The following IL18BP variants were observed in gnomAD, a reference collection of about 807,000 sequenced individuals.
IL18BP encodes interleukin 18 binding protein, also known as interleukin-18-binding protein.
Under a neutral mutation model 19.9 loss-of-function variants are expected in IL18BP, and 23 were observed. The observed-to-expected ratio is 1.15, with a 90% CI of 0.83 to 1.64. The LOEUF (loss-of-function observed/expected upper bound fraction) is 1.64, where lower values mean the gene tolerates loss of function less well. IL18BP is among the 40% of genes most tolerant of loss of function. IL18BP has a pLI of 0.00. For missense variants in IL18BP, 239 were observed against 240.7 expected (o/e 0.99, Z 0.05); for synonymous variants, 107 against 101.0 (o/e 1.06, Z -0.35).
rs1955295726 is a variant in IL18BP, at chr11:72,002,254, A to C, written c.*393A>C. 2 of 232,466 alleles carry C rather than the reference A, an allele frequency of 8.6e-6. No homozygotes were observed. The highest frequency in any genetic ancestry group is 2.3e-5 in the African/African-American group (1 of 44,256). The allele number at this position is 232,466 out of a possible 1,614,324, so 14.4% of individuals were successfully genotyped here. On this transcript the variant is annotated 3_prime_UTR_variant, in exon 6 of 6. Transcript: ENST00000393703. ...TTCTTGCTTTTCCCAGACAGCTCCC[A>C]CTCCCATGTCTCTGCTCATTTAGTC...
chr11:72,004,564 C>T, downstream of IL18BP: 3 of 1,461,792 alleles, frequency 2.1e-6, no homozygotes, highest in Non-Finnish European at 2.8e-6. Context: ...AGAGAGAAGG[C>T]TCCCTTTAGT....
At chr11:72,004,299 G>A (rs763458607), downstream of IL18BP, 3 of 1,612,996 alleles carry the variant, frequency 1.9e-6, no homozygotes, top group Non-Finnish European at 1.7e-6. Context: ...TGTCGGTCTC[G>A]GGGAGTCATG....
chr11:72,006,407 A>C, downstream of IL18BP: 1 of 657,330 alleles, frequency 1.5e-6, no homozygotes, highest in Non-Finnish European at 2.5e-6. Context: ...GTGTGTCTGC[A>C]AGAAATGGGC....
At chr11:71,999,873 C>T (rs554405133) in intron 1 of IL18BP, 54 bp from the exon 2 acceptor site, 183 of 1,064,650 alleles carry the variant, frequency 1.7e-4, no homozygotes, top group South Asian at 6.1e-4. Context: ...GAAAAGCCAG[C>T]TACTGAGAAA....
downstream of IL18BP, chr11:72,006,108 C>T: frequency 6.2e-7 from 1 of 1,614,128 alleles, no homozygotes; most frequent in Non-Finnish European, 8.5e-7. Context: ...GGTAGCCAGG[C>T]AAGCTGAGCA....
downstream of IL18BP, chr11:72,005,105 G>A: frequency 8.9e-7 from 1 of 1,120,042 alleles, no homozygotes; most frequent in Non-Finnish European, 1.2e-6. Context: ...CTGGAAACAT[G>A]AGAAGGTCAC....
At chr11:72,003,968 G>A, downstream of IL18BP, 1 of 1,613,372 alleles carries the variant, frequency 6.2e-7, no homozygotes, top group South Asian at 1.1e-5. Context: ...GCGGAGAACG[G>A]CGGGTTCCAC....
rs949837224 is a variant in IL18BP, at chr11:72,002,538, C to A, written c.*677C>A. On this transcript the variant is annotated 3_prime_UTR_variant, in exon 6 of 6. Transcript: ENST00000393703. ...GGATTATTCAATGGAGGCATCCTGA[C>A]ATCTGTTCATTTAGGCTTCAGTTCC... The A allele has an allele frequency of 6.5e-6, 1 of 153,428 alleles. No homozygotes were observed. The highest frequency in any genetic ancestry group is 1.5e-5 in the Non-Finnish European group (1 of 68,802). 9.5% of individuals were successfully genotyped at this position (153,428 alleles called of 1,614,324 possible). A position where few individuals can be genotyped will look rare whatever the true frequency, so the allele number is the denominator to read the frequency against.
downstream of IL18BP, chr11:72,004,317 G>C: frequency 1.9e-6 from 3 of 1,613,120 alleles, no homozygotes; most frequent in Non-Finnish European, 2.5e-6. Context: ...ATGGGGCGTG[G>C]GAAACAGCTG....
downstream of IL18BP, chr11:72,007,804 C>T (rs1393404787): frequency 8.2e-6 from 3 of 365,868 alleles, no homozygotes; most frequent in African/African-American, 2.1e-5. Flanking sequence ...AAGCCATGAA[C>T]GTGGGCATAA....
At chr11:72,000,324 G>T (rs547795142) in intron 2 of IL18BP, 27 bp from the exon 3 acceptor site, 1 of 1,601,756 alleles carries the variant, frequency 6.2e-7, no homozygotes, top group Non-Finnish European at 8.5e-7. Flanking sequence ...CTCCAGAGCC[G>T]CTGACCTGTA....
rs986182415 is a variant in IL18BP at position 72,002,156 on chromosome 11, G to A, written c.*295G>A. On this transcript the variant is annotated 3_prime_UTR_variant, in exon 6 of 6. Coordinates refer to ENST00000393703, the MANE Select transcript of IL18BP (RefSeq NM_001039660.2). Reference sequence around the variant, plus strand: ...CTACTGCTCAGAAACCACCAAGACTGTTGATGCCTTAGCCTTGCACTCCAG... The same window carrying A: ...CTACTGCTCAGAAACCACCAAGACTATTGATGCCTTAGCCTTGCACTCCAG... 2.1e-6 allele frequency: 1 copy of A among 485,412 alleles called. No homozygotes were observed. Among genetic ancestry groups the A allele is most frequent in the Non-Finnish European group, 3.7e-6 (1 of 270,938 alleles). 30.1% of individuals were successfully genotyped at this position (485,412 alleles called of 1,614,324 possible).
chr11:72,004,808 C>G, downstream of IL18BP: 1 of 1,573,218 alleles, frequency 6.4e-7, no homozygotes. Context: ...TGCCCAGGCT[C>G]AGGGAAGGCT....
Position 72,000,388 on chromosome 11 carries a change from C to T in IL18BP, c.66C>T (p.His22=), listed in dbSNP as rs199747659. 109 of 1,613,944 alleles carry T rather than the reference C, an allele frequency of 6.8e-5. No homozygotes were observed. The highest frequency in any genetic ancestry group is 7.9e-5 in the Non-Finnish European group (93 of 1,180,024). ...TGTGGGTCCTGCTCCTGTGTGCCCA[C>T]GTCGTCACTCTCCTGGTCAGAGCCA... ...SPLWVLLLCA[H]VVTLLVRATP... is the part of the protein sequence containing the mutation. Residue 22 remains histidine, a synonymous_variant, in exon 3 of 6, where the codon CAC becomes CAT. Coordinates refer to ENST00000393703, the MANE Select transcript of IL18BP (RefSeq NM_001039660.2).
chr11:72,007,656 C>G (rs528566482), downstream of IL18BP: 1 of 602,718 alleles, frequency 1.7e-6, no homozygotes, highest in Admixed American at 3.1e-5. Context: ...GTGGCAATGC[C>G]CAGACCCAGA....
downstream of IL18BP, chr11:72,006,342 C>G: frequency 5.7e-6 from 7 of 1,228,774 alleles, no homozygotes; most frequent in Non-Finnish European, 8.1e-6. Context: ...CCGAAGCCCT[C>G]AGATCCCACG....
downstream of IL18BP, chr11:72,006,127 T>C (rs1470735798): frequency 2.5e-6 from 4 of 1,613,950 alleles, no homozygotes; most frequent in African/African-American, 4.0e-5. Context: ...CAGGGCTGAG[T>C]TGCCATAATC....
At chr11:72,008,097 A>G (rs1330930464), downstream of IL18BP, 1 of 478,612 alleles carries the variant, frequency 2.1e-6, no homozygotes, top group South Asian at 1.5e-5. Context: ...CCTACCTCAG[A>G]GGGTTGTTGG....
chr11:71,999,178 C>T (rs756296284), intron 1 of IL18BP, 159 bp downstream of exon 1: 19 of 515,456 alleles, frequency 3.7e-5, no homozygotes, highest in Middle Eastern at 3.2e-4. Flanking sequence ...AGGATGTGGA[C>T]GGACTGGTAT....
Sources: gnomAD v4.1 joint callset for allele counts on GRCh38, gnomAD v4.1.1 for gene constraint, MANE v1.5 for transcripts, NCBI Gene and HGNC (gene_info 2026-07-23, HGNC 2026-07-21) for gene names.